Variants in B3GALT1 observed in about 807,000 individuals in gnomAD.
The protein encoded by B3GALT1 is beta-1,3-galactosyltransferase 1, also known as UDP-Gal:betaGlcNAc beta 1,3-galactosyltransferase, polypeptide 1.
Under a neutral mutation model 23.2 loss-of-function variants are expected in B3GALT1, and 10 were observed. The observed-to-expected ratio is 0.43, with a 90% CI of 0.27 to 0.73. B3GALT1 has a LOEUF of 0.73. B3GALT1 is among the 30% of genes least tolerant of loss of function. The pLI is 0.21. For missense variants in B3GALT1, 299 were observed against 405.4 expected (o/e 0.74, Z 2.25); for synonymous variants, 156 against 141.5 (o/e 1.10, Z -0.73).
chr2:167,826,501 C>A (rs1689232687), intron 4 of B3GALT1, among the ~76,000 whole-genome samples: 1 of 152,196 alleles, frequency 6.6e-6, no homozygotes, highest in African/African-American at 2.4e-5. Context: ...GAGGAGGTCT[C>A]TGAGGCTTAA....
chr2:167,738,354 G>C (rs1360541672), intron 3 of B3GALT1, among the ~76,000 whole-genome samples: 1 of 152,098 alleles, frequency 6.6e-6, no homozygotes, highest in South Asian at 2.1e-4. Context: ...CCAAGGAGTG[G>C]AAAATTCAAA....
At chr2:167,716,418 C>T (rs1332183700) in intron 3 of B3GALT1, among the ~76,000 whole-genome samples, 1 of 152,174 alleles carries the variant, frequency 6.6e-6, no homozygotes, top group Non-Finnish European at 1.5e-5. Flanking sequence ...TGGATTAAAC[C>T]TTTGATCATT....
At chr2:167,501,906 T>C (rs997193767) in intron 2 of B3GALT1, among the ~76,000 whole-genome samples, 11 of 152,122 alleles carry the variant, frequency 7.2e-5, no homozygotes, top group African/African-American at 2.7e-4. Flanking sequence ...GGCAAGACTT[T>C]GTGTCTCATT....
intron 4 of B3GALT1, among the ~76,000 whole-genome samples, chr2:167,842,615 T>TACAG (rs1258018943): frequency 1.3e-5 from 2 of 152,188 alleles, no homozygotes; most frequent in African/African-American, 4.8e-5. Context: ...GGCTCACACC[T>TACAG]GTAATCCCAG....
At chr2:167,393,342 C>T (rs943177901) in intron 1 of B3GALT1, among the ~76,000 whole-genome samples, 16 of 150,006 alleles carry the variant, frequency 1.1e-4, no homozygotes, top group Admixed American at 2.7e-4. Flanking sequence ...CACCAAGGTT[C>T]ATTAAAGTAG....
At chr2:167,525,283 G>T (rs1683201120) in intron 2 of B3GALT1, among the ~76,000 whole-genome samples, 1 of 151,222 alleles carries the variant, frequency 6.6e-6, no homozygotes, top group South Asian at 2.1e-4. Flanking sequence ...TTTTTTGTTT[G>T]GTACGTTTTC....
intron 1 of B3GALT1, among the ~76,000 whole-genome samples, chr2:167,367,473 C>T (rs1236626588): frequency 6.6e-6 from 1 of 152,150 alleles, no homozygotes; most frequent in African/African-American, 2.4e-5. Flanking sequence ...ATTCGTATTA[C>T]CATATTACCT....
At chr2:167,396,098 CAA>C (rs992588775) in intron 1 of B3GALT1, among the ~76,000 whole-genome samples, 4 of 152,074 alleles carry the variant, frequency 2.6e-5, no homozygotes, top group African/African-American at 9.7e-5. Flanking sequence ...CCTGCTGAGA[CAA>C]AAGATACACT....
At chr2:167,439,090 TC>T (rs1485579225) in intron 1 of B3GALT1, among the ~76,000 whole-genome samples, 1 of 152,254 alleles carries the variant, frequency 6.6e-6, no homozygotes, top group African/African-American at 2.4e-5. Flanking sequence ...TATTATTGCT[TC>T]TTTTTTCTTG....
chr2:167,639,840 C>T (rs1267708737), intron 2 of B3GALT1, among the ~76,000 whole-genome samples: 5 of 151,906 alleles, frequency 3.3e-5, no homozygotes, highest in Non-Finnish European at 7.4e-5. Flanking sequence ...ATTAACTGGC[C>T]CCTGCATATG....
chr2:167,845,285 G>A (rs914709184), intron 4 of B3GALT1, among the ~76,000 whole-genome samples: 3 of 152,150 alleles, frequency 2.0e-5, no homozygotes, highest in Non-Finnish European at 4.4e-5. Flanking sequence ...AGAAGTCCAA[G>A]CAGCACAAAA....
intron 2 of B3GALT1, among the ~76,000 whole-genome samples, chr2:167,549,220 C>T (rs1396872883): frequency 1.3e-5 from 2 of 152,112 alleles, no homozygotes; most frequent in East Asian, 1.9e-4. Context: ...TGTATGTTGG[C>T]GGGGGGCTCA....
At chr2:167,551,420 A>G (rs758998052) in intron 2 of B3GALT1, among the ~76,000 whole-genome samples, 2 of 152,194 alleles carry the variant, frequency 1.3e-5, no homozygotes, top group African/African-American at 2.4e-5. Context: ...AGGCAATGTA[A>G]GTGTTGATAG....
chr2:167,805,868 G>C (rs1688741905), intron 3 of B3GALT1, among the ~76,000 whole-genome samples: 1 of 152,316 alleles, frequency 6.6e-6, no homozygotes, highest in African/African-American at 2.4e-5. Flanking sequence ...TGTGAAGAAA[G>C]TCATTGGTAG....
At chr2:167,313,085 A>G (rs1696657495) in intron 1 of B3GALT1, among the ~76,000 whole-genome samples, 1 of 152,158 alleles carries the variant, frequency 6.6e-6, no homozygotes, top group Non-Finnish European at 1.5e-5. Flanking sequence ...GCAGTTTTCC[A>G]ATGTAATAAT....
At chr2:167,666,413 A>G (rs1686189313) in intron 3 of B3GALT1, among the ~76,000 whole-genome samples, 1 of 152,036 alleles carries the variant, frequency 6.6e-6, no homozygotes, top group Admixed American at 6.6e-5. Flanking sequence ...GTGCTGAAAA[A>G]AATGTATATT....
intron 3 of B3GALT1, among the ~76,000 whole-genome samples, chr2:167,753,570 T>G (rs993081757): frequency 6.6e-6 from 1 of 152,210 alleles, no homozygotes; most frequent in Non-Finnish European, 1.5e-5. Flanking sequence ...GGGGAGATTC[T>G]GTCCCCACAG....
At chr2:167,529,531 C>G (rs1419260924) in intron 2 of B3GALT1, among the ~76,000 whole-genome samples, 1 of 149,256 alleles carries the variant, frequency 6.7e-6, no homozygotes, top group East Asian at 2.1e-4. Flanking sequence ...GAGATGGGGA[C>G]AGCTGATAGA....
chr2:167,385,954 T>G (rs1219868414), intron 1 of B3GALT1, among the ~76,000 whole-genome samples: 1 of 152,204 alleles, frequency 6.6e-6, no homozygotes, highest in Non-Finnish European at 1.5e-5. Context: ...TTTATATTCC[T>G]GGGAAACATA....
Sources: gnomAD v4.1 joint callset for allele counts (sites outside exome capture counted in the v4.1 genomes callset) on GRCh38, gnomAD v4.1.1 for gene constraint, MANE v1.5 for transcripts, NCBI Gene and HGNC (gene_info 2026-07-23, HGNC 2026-07-21) for gene names.